Variants in VPS4A observed in about 807,000 individuals in gnomAD.
VPS4A encodes the protein vacuolar protein sorting-associated protein 4A.
VPS4A carries 20 observed loss-of-function variants against 52.3 expected under a neutral mutation model. The ratio of observed to expected loss-of-function variants is 0.38; its 90% confidence interval spans 0.27 to 0.56. The LOEUF (loss-of-function observed/expected upper bound fraction) is 0.56, where lower values mean the gene tolerates loss of function less well. Among genes scored for constraint, VPS4A ranks in the 20% least tolerant of loss-of-function variants. The pLI is 0.72. For missense variants in VPS4A, 419 were observed against 575.9 expected, an observed-to-expected ratio of 0.73 and a Z score of 2.79; for synonymous variants, 293 against 227.7, an observed-to-expected ratio of 1.29 and a Z score of -2.58.
At position 69,326,114 on chromosome 16, in the gene VPS4A, G is replaced by A. The variant is rs1022539948; in HGVS notation, c.*1805G>A. On this transcript the variant is annotated 3_prime_UTR_variant, in exon 11 of 11. Transcript: ENST00000254950. ...AAGCTTATAGCCTGCAAAGGGCTTT[G>A]TTCCAACCTTCCCTCTCCAAAACCC... 1.3e-5 allele frequency: 2 copies of A among 152,368 alleles called. No individual in the cohort carries two copies. Among genetic ancestry groups the A allele is most frequent in the Non-Finnish European group, 2.9e-5 (2 of 68,156 alleles). 9.4% of individuals were successfully genotyped at this position (152,368 alleles called of 1,614,324 possible). A position where few individuals can be genotyped will look rare whatever the true frequency, so the allele number is the denominator to read the frequency against.
At position 69,320,479 on chromosome 16, in the gene VPS4A, C is replaced by G. The variant is rs1965497072; in HGVS notation, c.769+190C>G. 3 of 858,898 alleles carry G rather than the reference C, an allele frequency of 3.5e-6. No homozygotes were observed. Among genetic ancestry groups the G allele is most frequent in the Non-Finnish European group, 5.3e-6 (3 of 564,730 alleles). 53.2% of individuals were successfully genotyped at this position (858,898 alleles called of 1,614,324 possible). On this transcript the variant is annotated intron_variant, in intron 7 of 10. Coordinates refer to ENST00000254950, the MANE Select transcript of VPS4A (RefSeq NM_013245.3). The surrounding 1 kb of genome is among the most constrained non-coding windows in gnomAD (Gnocchi z 4.2). ...GAGGCCTCTGCCTCACGGGCCACTC[C>G]ACCCCTCCCATGGCAGGCAGTGCCA...
chr16:69,318,760 C>T (rs754336669), intron 4 of VPS4A, 49 bp downstream of exon 4: 93 of 1,613,054 alleles, frequency 5.8e-5, no homozygotes, highest in South Asian at 1.5e-4. Flanking sequence ...AGAGTGGGTC[C>T]GCTGCTGGGT....
intron 10 of VPS4A, 121 bp from the exon 11 acceptor site, chr16:69,324,087 C>T (rs1965551934): frequency 2.2e-6 from 2 of 901,944 alleles, no homozygotes; most frequent in Admixed American, 4.4e-5. Context: ...TTCAAGCAGG[C>T]CTCTGGGGTG....
intron 10 of VPS4A, among the ~76,000 whole-genome samples, chr16:69,323,944 CAA>C (rs373024058): frequency 1.4e-4 from 14 of 99,524 alleles, no homozygotes; most frequent in East Asian, 3.9e-4. Flanking sequence ...ACTCCGTCTC[CAA>C]AAAAAAAAAA....
chr16:69,318,131 A>G, intron 3 of VPS4A, among the ~76,000 whole-genome samples: 1 of 151,706 alleles, frequency 6.6e-6, no homozygotes, highest in East Asian at 1.9e-4. Context: ...GCGTGCCACC[A>G]TGCTTGGCTA....
At position 69,318,965 on chromosome 16, in the gene VPS4A, C is replaced by A. The variant is rs752663733; in HGVS notation, c.463+23C>A. ...CAGGTGAGAGTTGAGCCATTTCAAA[C>A]CCCAATGTAAAAATTCCAGGCTTCC... is the stretch of plus-strand genomic sequence containing the variant. On this transcript the variant is annotated intron_variant, in intron 5 of 10. Transcript: ENST00000254950. 4.4e-6 allele frequency: 7 copies of A among 1,606,024 alleles called. No individual in the cohort carries two copies. The African/African-American group carries it at 9.4e-5, about 22-fold the overall frequency.
rs573378431 is a variant in VPS4A, at chr16:69,319,302, C to T, written c.464-85C>T. 11 of 1,546,222 alleles carry T rather than the reference C, an allele frequency of 7.1e-6. No homozygotes were observed. The South Asian group carries it at 8.6e-5, about 12-fold the overall frequency. ...TTGTTTCACAGAATGCCCTGTTTTA[C>T]TGTATGTATGGGACTCGAGACCCTC... is the stretch of plus-strand genomic sequence containing the variant. On this transcript the variant is annotated intron_variant, in intron 5 of 10. Coordinates refer to ENST00000254950, the MANE Select transcript of VPS4A (RefSeq NM_013245.3).
intron 1 of VPS4A, among the ~76,000 whole-genome samples, chr16:69,315,534 T>C (rs928633133): frequency 7.2e-5 from 11 of 152,202 alleles, no homozygotes; most frequent in African/African-American, 2.4e-4. Flanking sequence ...CTGTGCAAAC[T>C]TGCAGTCCGG....
chr16:69,318,824 T>C lies in VPS4A; in HGVS notation c.345T>C (p.Gly115=), dbSNP rs1965472440. 1 of 1,612,314 alleles carries C rather than the reference T, an allele frequency of 6.2e-7. No individual in the cohort carries two copies. The highest frequency in any genetic ancestry group is 1.1e-5 in the South Asian group (1 of 91,008). The change falls in exon 5 of 11, where the codon GGT becomes GGC. Residue 115 remains glycine (G), a splice_region_variant and synonymous_variant. Coordinates refer to ENST00000254950, the MANE Select transcript of VPS4A (RefSeq NM_013245.3). ...EKKKLQEQLM[G]AVVMEKPNIR... ...CCCGGGCCGGCCTCCCTCTCGCAGGTGCCGTCGTGATGGAGAAGCCCAACA... is the reference window on the plus strand; with the variant it reads ...CCCGGGCCGGCCTCCCTCTCGCAGGCGCCGTCGTGATGGAGAAGCCCAACA...
At position 69,326,165 on chromosome 16, in the gene VPS4A, C is replaced by T. The variant is rs1364489758; in HGVS notation, c.*1856C>T. The T allele has an allele frequency of 2.6e-5, 4 of 152,328 alleles. No individual in the cohort carries two copies. The highest frequency in any genetic ancestry group is 9.6e-5 in the African/African-American group (4 of 41,466). The allele number at this position is 152,328 out of a possible 1,614,324, so 9.4% of individuals were successfully genotyped here. On this transcript the variant is annotated 3_prime_UTR_variant, in exon 11 of 11. Transcript: ENST00000254950. ...AGTACTGCTCCTCTACCTTTCAAAC[C>T]TGGTTGGGCCAGAACTGATTACATG... is the stretch of plus-strand genomic sequence containing the variant.
chr16:69,324,423 T>A lies in VPS4A; in HGVS notation c.*114T>A. The A allele has an allele frequency of 8.8e-7, 1 of 1,140,462 alleles. No individual in the cohort carries two copies. Among genetic ancestry groups the A allele is most frequent in the South Asian group, 1.4e-5 (1 of 72,068 alleles). The allele number at this position is 1,140,462 out of a possible 1,614,324, so 70.6% of individuals were successfully genotyped here. A position where few individuals can be genotyped will look rare whatever the true frequency, so the allele number is the denominator to read the frequency against. The stretch of plus-strand genomic sequence containing the variant: ...AGGGCTTGTCCCAGTCAATACAGAG[T>A]TCCCTCTGCTGTCTGGCCGTCTGCC... On this transcript the variant is annotated 3_prime_UTR_variant, in exon 11 of 11. Coordinates refer to ENST00000254950, the MANE Select transcript of VPS4A (RefSeq NM_013245.3).
In VPS4A at chr16:69,325,155, C is replaced by G. The variant is rs1170512396; in HGVS notation, c.*846C>G. The G allele has an allele frequency of 6.6e-6, 1 of 152,264 alleles. No homozygotes were observed. Among genetic ancestry groups the G allele is most frequent in the African/African-American group, 2.4e-5 (1 of 41,456 alleles). The allele number at this position is 152,264 out of a possible 1,614,324, so 9.4% of individuals were successfully genotyped here. ...GTCTCCTCTCTTTTCTAAAGCAGAGCAGGAAACAGAACACTGCAGTTCTTA... is the reference window on the plus strand; with the variant it reads ...GTCTCCTCTCTTTTCTAAAGCAGAGGAGGAAACAGAACACTGCAGTTCTTA... On this transcript the variant is annotated 3_prime_UTR_variant, in exon 11 of 11. Coordinates refer to ENST00000254950, the MANE Select transcript of VPS4A (RefSeq NM_013245.3).
At position 69,318,949 on chromosome 16, in the gene VPS4A, G is replaced by A. The variant is rs1453900431; in HGVS notation, c.463+7G>A. On this transcript the variant is annotated splice_region_variant and intron_variant, in intron 5 of 10. Transcript: ENST00000254950. ...TTCCCACACTTGTTCACAGGTGAGA[G>A]TTGAGCCATTTCAAACCCCAATGTA... 6.2e-7 allele frequency: 1 copy of A among 1,611,362 alleles called. No homozygotes were observed. The highest frequency in any genetic ancestry group is 1.7e-5 in the Admixed American group (1 of 59,712).
At chr16:69,319,839 A>G (rs1965488441) in intron 6 of VPS4A, among the ~76,000 whole-genome samples, 1 of 152,174 alleles carries the variant, frequency 6.6e-6, no homozygotes, top group Non-Finnish European at 1.5e-5. Flanking sequence ...GGTTCCCCAC[A>G]CTGACTCCTG....
chr16:69,314,930 TA>T (rs1965418171), intron 1 of VPS4A, among the ~76,000 whole-genome samples: 1 of 152,104 alleles, frequency 6.6e-6, no homozygotes, highest in Non-Finnish European at 1.5e-5. Flanking sequence ...AACCAGGCTT[TA>T]AAACCATGTA....
rs372187571 is a variant in VPS4A at position 69,318,852 on chromosome 16, C to T, written c.373C>T (p.Arg125Trp). The T allele has an allele frequency of 2.4e-5, 38 of 1,613,440 alleles. No homozygotes were observed. The highest frequency in any genetic ancestry group is 8.9e-5 in the East Asian group (4 of 44,868). ...CGTCGTGATGGAGAAGCCCAACATA[C>T]GGTGGAACGACGTGGCCGGGCTGGA... ...GAVVMEKPNI[R>W]WNDVAGLEGA... Residue 125 changes from arginine (R) to tryptophan (W), a missense_variant, in exon 5 of 11, where the codon CGG becomes TGG. Physicochemically the swap from Arg to Trp is moderately radical, Grantham distance 101. Coordinates refer to ENST00000254950, the MANE Select transcript of VPS4A (RefSeq NM_013245.3).
At chr16:69,317,898 T>C (rs574083150) in intron 3 of VPS4A, among the ~76,000 whole-genome samples, 4 of 150,012 alleles carry the variant, frequency 2.7e-5, no homozygotes, top group South Asian at 2.1e-4. Flanking sequence ...GAGGCGGAGA[T>C]TGCAGTGAGC....
At chr16:69,323,756 C>T (rs1965544033) in intron 10 of VPS4A, 1 of 433,308 alleles carries the variant, frequency 2.3e-6, no homozygotes, top group Admixed American at 2.6e-5. Context: ...TCAAGAGCAG[C>T]CTGGCCAACA....
chr16:69,324,192 A>G lies in VPS4A; in HGVS notation c.1213-16A>G. On this transcript the variant is annotated splice_polypyrimidine_tract_variant and intron_variant, in intron 10 of 10. Transcript: ENST00000254950. ...GAGCCTGGCTCCTGCTCAGGCACAT[A>G]CTGTTGCCTTCACAGTCGGACATGC... The G allele has an allele frequency of 6.2e-7, 1 of 1,610,170 alleles. No individual in the cohort carries two copies. The highest frequency in any genetic ancestry group is 8.5e-7 in the Non-Finnish European group (1 of 1,178,016).
Sources: allele counts gnomAD v4.1 joint callset (sites outside exome capture counted in the v4.1 genomes callset), GRCh38; gene constraint gnomAD v4.1.1; non-coding constraint Gnocchi (gnomAD v3.1); transcripts MANE v1.5; gene names NCBI Gene and HGNC (gene_info 2026-07-23, HGNC 2026-07-21).